Variants in GDAP1 observed in about 807,000 individuals in gnomAD.
The protein encoded by GDAP1 is ganglioside-induced differentiation-associated protein 1.
In GDAP1, 34 loss-of-function variants were observed where a neutral mutation model predicts 40.1. The ratio of observed to expected loss-of-function variants is 0.85; its 90% CI spans 0.64 to 1.13. The LOEUF (loss-of-function observed/expected upper bound fraction) is 1.13, where lower values mean the gene tolerates loss of function less well. Among genes scored for constraint, GDAP1 ranks in the 50% most tolerant of loss-of-function variants. GDAP1 has a pLI of 0.00. For synonymous variants in GDAP1, 170 were observed against 157.4 expected, an observed-to-expected ratio of 1.08 and a Z score of -0.60; for missense variants, 374 against 433.7, an observed-to-expected ratio of 0.86 and a Z score of 1.22.
intron 2 of GDAP1, among the ~76,000 whole-genome samples, chr8:74,409,049 G>T (rs1227430844): frequency 6.7e-6 from 1 of 149,916 alleles, no homozygotes; most frequent in East Asian, 1.9e-4. Context: ...TAAAAATAAA[G>T]ATTTATGGCC....
intron 2 of GDAP1, among the ~76,000 whole-genome samples, chr8:74,462,840 A>C (rs1200569298): frequency 1.3e-5 from 2 of 151,998 alleles, no homozygotes; most frequent in African/African-American, 4.8e-5. Context: ...AATCTAGTAG[A>C]TTAGAAAGCA....
chr8:74,401,611 TGGA>T (rs201452416), intron 2 of GDAP1, among the ~76,000 whole-genome samples: 55,815 of 149,160 alleles, frequency 0.37, 11,566 homozygotes, highest in Middle Eastern at 0.46. Flanking sequence ...TGCGTTCCTT[TGGA>T]GGAGGAGAGG....
At chr8:74,409,131 A>G (rs1007062696) in intron 2 of GDAP1, among the ~76,000 whole-genome samples, 3 of 149,926 alleles carry the variant, frequency 2.0e-5, no homozygotes, top group Admixed American at 1.3e-4. Flanking sequence ...GAATGTCAAA[A>G]CTTTTATAGA....
chr8:74,404,902 G>A (rs1323265493), intron 2 of GDAP1, among the ~76,000 whole-genome samples: 4 of 149,644 alleles, frequency 2.7e-5, no homozygotes, highest in South Asian at 2.1e-4. Flanking sequence ...TATATAAAAC[G>A]GTGTAGTATT....
chr8:74,400,105 T>C (rs1247604140), intron 2 of GDAP1, among the ~76,000 whole-genome samples: 1 of 149,118 alleles, frequency 6.7e-6, no homozygotes, highest in Non-Finnish European at 1.5e-5. Context: ...TGGGTATCCT[T>C]GTTGACTTGC....
intron 2 of GDAP1, among the ~76,000 whole-genome samples, chr8:74,417,485 C>T (rs181440037): frequency 6.7e-6 from 1 of 149,892 alleles, no homozygotes; most frequent in East Asian, 1.9e-4. Flanking sequence ...GTAGAAAATC[C>T]CAAACTCTTG....
At chr8:74,433,268 G>C (rs376648011) in intron 2 of GDAP1, among the ~76,000 whole-genome samples, 3 of 152,008 alleles carry the variant, frequency 2.0e-5, no homozygotes, top group African/African-American at 7.3e-5. Context: ...TTAAATTGCC[G>C]TATTTACTGG....
At chr8:74,471,738 T>C (rs1806559764) in intron 2 of GDAP1, among the ~76,000 whole-genome samples, 1 of 152,122 alleles carries the variant, frequency 6.6e-6, no homozygotes, top group Non-Finnish European at 1.5e-5. Flanking sequence ...AGTTTACACT[T>C]TCTAGAATTC....
At chr8:74,434,778 G>C (rs1806068964) in intron 2 of GDAP1, among the ~76,000 whole-genome samples, 1 of 152,182 alleles carries the variant, frequency 6.6e-6, no homozygotes, top group African/African-American at 2.4e-5. Context: ...GGTGGTAGTT[G>C]AGTTAGCAAG....
At chr8:74,411,321 T>C (rs62524089) in intron 2 of GDAP1, among the ~76,000 whole-genome samples, 73,192 of 148,982 alleles carry the variant, frequency 0.49, 19,430 homozygotes, top group East Asian at 0.58. Context: ...CTCGTTTTGT[T>C]TTGGAAGCAA....
intron 2 of GDAP1, among the ~76,000 whole-genome samples, chr8:74,402,932 A>G (rs1289839087): frequency 2.0e-5 from 3 of 149,976 alleles, no homozygotes; most frequent in South Asian, 2.1e-4. Context: ...GTTCTAAGTA[A>G]AGACAATTCA....
chr8:74,440,025 TG>T (rs937275092), intron 2 of GDAP1, among the ~76,000 whole-genome samples: 1 of 152,178 alleles, frequency 6.6e-6, no homozygotes, highest in African/African-American at 2.4e-5. Context: ...TTGGCATTAT[TG>T]GAAAATTTAA....
intron 2 of GDAP1, among the ~76,000 whole-genome samples, chr8:74,438,264 A>C (rs1028263457): frequency 1.3e-5 from 2 of 151,910 alleles, no homozygotes; most frequent in Non-Finnish European, 2.9e-5. Context: ...GCGAAACTCC[A>C]TCTCAAAAAA....
At chr8:74,351,725 G>T (rs760861785) in intron 2 of GDAP1, among the ~76,000 whole-genome samples, 1 of 152,062 alleles carries the variant, frequency 6.6e-6, no homozygotes, top group Non-Finnish European at 1.5e-5. Context: ...AAATTCACTT[G>T]CAAAAAACTG....
At chr8:74,450,640 T>TACAATGTAATAACA (rs1260957984) in intron 2 of GDAP1, among the ~76,000 whole-genome samples, 4 of 20,776 alleles carry the variant, frequency 1.9e-4, no homozygotes, top group African/African-American at 2.6e-4. Flanking sequence ...TGGAATATTC[T>TACAATGTAATAACA]TTCCATCTTT....
chr8:74,368,878 C>T (rs1327898025), downstream of GDAP1, among the ~76,000 whole-genome samples: 2 of 152,140 alleles, frequency 1.3e-5, no homozygotes, highest in Non-Finnish European at 2.9e-5. Context: ...TAGTGCTCCC[C>T]ACCCCAATTG....
intron 2 of GDAP1, among the ~76,000 whole-genome samples, chr8:74,410,485 A>G (rs1563461511): frequency 6.7e-6 from 1 of 150,322 alleles, no homozygotes. Context: ...GTTTTCATGT[A>G]GAAATTTCTT....
chr8:74,407,922 A>AT (rs760770335), intron 2 of GDAP1, among the ~76,000 whole-genome samples: 56 of 148,682 alleles, frequency 3.8e-4, no homozygotes, highest in Admixed American at 6.0e-4. Flanking sequence ...TCTTCTTTTA[A>AT]TTTTTTTTTC....
intron 2 of GDAP1, among the ~76,000 whole-genome samples, chr8:74,466,756 C>T (rs1324584282): frequency 6.6e-6 from 1 of 152,182 alleles, no homozygotes; most frequent in African/African-American, 2.4e-5. Context: ...GTCTGGTGTG[C>T]AGGTGAGAGT....
Sources: allele counts gnomAD v4.1 joint callset (sites outside exome capture counted in the v4.1 genomes callset), GRCh38; gene constraint gnomAD v4.1.1; transcripts MANE v1.5; gene names NCBI Gene and HGNC (gene_info 2026-07-23, HGNC 2026-07-21).